ZCCHC7: variants seen among roughly 807,000 people sequenced by gnomAD.
ZCCHC7 encodes zinc finger CCHC domain-containing protein 7.
ZCCHC7 carries 35 observed loss-of-function variants against 52.0 expected under a neutral mutation model. The observed-to-expected ratio is 0.67, with a 90% CI of 0.51 to 0.89. The LOEUF is 0.89. ZCCHC7 is among the 40% of genes least tolerant of loss of function. ZCCHC7 has a pLI of 0.00. For synonymous variants in ZCCHC7, 217 were observed against 221.5 expected, an observed-to-expected ratio of 0.98 and a Z score of 0.18; for missense variants, 574 against 649.1, an observed-to-expected ratio of 0.88 and a Z score of 1.26.
intron 2 of ZCCHC7, among the ~76,000 whole-genome samples, chr9:37,211,993 C>T (rs1042206941): frequency 2.3e-5 from 3 of 129,700 alleles, no homozygotes; most frequent in Non-Finnish European, 4.7e-5. Flanking sequence ...CGCCACTGCA[C>T]TCCAGCCTGG....
At chr9:37,152,870 G>A (rs1050270270) in intron 2 of ZCCHC7, among the ~76,000 whole-genome samples, 7 of 152,154 alleles carry the variant, frequency 4.6e-5, no homozygotes, top group Non-Finnish European at 8.8e-5. Context: ...AAGGAAGAGA[G>A]TGTTATGCTC....
At chr9:37,240,965 A>G (rs537236431) in intron 2 of ZCCHC7, among the ~76,000 whole-genome samples, 16 of 151,974 alleles carry the variant, frequency 1.1e-4, no homozygotes, top group African/African-American at 3.6e-4. Flanking sequence ...GAAATTTTAT[A>G]AAGTATTGAA....
chr9:37,332,201 G>A (rs910841574), intron 6 of ZCCHC7, among the ~76,000 whole-genome samples: 1 of 151,458 alleles, frequency 6.6e-6, no homozygotes, highest in Non-Finnish European at 1.5e-5. Context: ...AATGCCCTTA[G>A]TACTAAAATA....
intron 2 of ZCCHC7, among the ~76,000 whole-genome samples, chr9:37,296,618 TCA>T (rs907435470): frequency 6.6e-6 from 1 of 151,674 alleles, no homozygotes; most frequent in Non-Finnish European, 1.5e-5. Context: ...AACCATGAGC[TCA>T]CAGTCTATAA....
At chr9:37,164,249 C>G (rs951116478) in intron 2 of ZCCHC7, among the ~76,000 whole-genome samples, 16 of 152,068 alleles carry the variant, frequency 1.1e-4, no homozygotes, top group African/African-American at 2.7e-4. Context: ...CGAGACCAGC[C>G]TGGCCAAAAT....
intron 6 of ZCCHC7, among the ~76,000 whole-genome samples, chr9:37,328,219 T>A (rs1288904606): frequency 1.3e-5 from 2 of 152,016 alleles, no homozygotes; most frequent in Non-Finnish European, 2.9e-5. Context: ...TTCAGTTGCT[T>A]TTACTAAAAC....
chr9:37,149,918 A>G (rs993051771), intron 2 of ZCCHC7, among the ~76,000 whole-genome samples: 9 of 152,228 alleles, frequency 5.9e-5, no homozygotes, highest in African/African-American at 2.2e-4. Flanking sequence ...AAAAGAGTCA[A>G]ACTCTGAAAG....
chr9:37,227,616 C>T (rs965153749), intron 2 of ZCCHC7, among the ~76,000 whole-genome samples: 6 of 152,122 alleles, frequency 3.9e-5, no homozygotes, highest in African/African-American at 1.4e-4. Flanking sequence ...AAAACATGTC[C>T]ACAAAGTGAC....
chr9:37,145,139 G>C (rs1843383613), intron 2 of ZCCHC7: 1 of 151,828 alleles, frequency 6.6e-6, no homozygotes, highest in Admixed American at 6.6e-5. Context: ...TTGTTTCTTT[G>C]TTTGATTAGT....
At chr9:37,279,187 A>G (rs1445825805) in intron 2 of ZCCHC7, among the ~76,000 whole-genome samples, 2 of 152,064 alleles carry the variant, frequency 1.3e-5, no homozygotes, top group South Asian at 4.1e-4. Context: ...TATTTGTTTC[A>G]AATGTATATG....
chr9:37,304,119 A>C, intron 3 of ZCCHC7, 69 bp from the exon 4 acceptor site: 1 of 1,476,318 alleles, frequency 6.8e-7, no homozygotes, highest in Non-Finnish European at 9.2e-7. Flanking sequence ...TGTCTTTAAC[A>C]AGAGTAGTAG....
At chr9:37,308,640 G>C (rs1829448323) in intron 5 of ZCCHC7, among the ~76,000 whole-genome samples, 1 of 151,988 alleles carries the variant, frequency 6.6e-6, no homozygotes, top group Non-Finnish European at 1.5e-5. Context: ...ATCATGGTAT[G>C]CTCCTGTAAT....
At position 37,348,347 on chromosome 9, in the gene ZCCHC7, GTTCTTTCTTTCTTTCT is replaced by G. The variant is rs58182218; in HGVS notation, c.988-979_988-964del. ...TTCAATGACCAAGTGATACCAGTTC[GTTCTTTCTTTCTTTCT>G]TTCTTTCTTTCTTTCTTTCTTTCTT... On this transcript the variant is annotated intron_variant, in intron 6 of 8. Coordinates refer to ENST00000336755, the MANE Select transcript of ZCCHC7 (RefSeq NM_032226.3). 1.6e-3 allele frequency among the ~76,000 whole-genome samples: 214 copies of G among 135,588 alleles called. 2 individuals carry two copies. Among genetic ancestry groups the G allele is most frequent in the South Asian group, 4.0e-3 (16 of 4,036 alleles). The allele number at this position is 135,588 out of a possible 152,430, so 89.0% of individuals were successfully genotyped here. A position where few individuals can be genotyped will look rare whatever the true frequency, so the allele number is the denominator to read the frequency against.
intron 2 of ZCCHC7, among the ~76,000 whole-genome samples, chr9:37,273,328 C>G (rs191340665): frequency 6.7e-4 from 102 of 152,236 alleles, no homozygotes; most frequent in African/African-American, 2.4e-3. Context: ...ACAGTGAAAC[C>G]CTGTCTCTAC....
chr9:37,205,209 G>T, intron 2 of ZCCHC7: 2 of 380,348 alleles, frequency 5.3e-6, no homozygotes, highest in Non-Finnish European at 5.1e-6. Context: ...AGCGTGCAGG[G>T]TAACATTGTA....
intron 5 of ZCCHC7, among the ~76,000 whole-genome samples, chr9:37,313,602 A>G (rs142207288): frequency 9.9e-4 from 151 of 152,290 alleles, no homozygotes; most frequent in African/African-American, 3.4e-3. Flanking sequence ...GTAATTCCCA[A>G]TGTTGAGGGA....
chr9:37,326,772 A>G (rs2118136034), intron 5 of ZCCHC7, among the ~76,000 whole-genome samples: 1 of 152,164 alleles, frequency 6.6e-6, no homozygotes, highest in Admixed American at 6.6e-5. Context: ...AATCAAGTAA[A>G]GAGTTGTTTC....
At chr9:37,316,245 A>G (rs918988779) in intron 5 of ZCCHC7, among the ~76,000 whole-genome samples, 1 of 151,974 alleles carries the variant, frequency 6.6e-6, no homozygotes, top group African/African-American at 2.4e-5. Flanking sequence ...TTTTTAATAC[A>G]GATGGGGTTT....
intron 2 of ZCCHC7, among the ~76,000 whole-genome samples, chr9:37,163,111 G>A (rs1032282022): frequency 3.3e-5 from 5 of 152,096 alleles, no homozygotes; most frequent in African/African-American, 1.2e-4. Context: ...TGAGGCAGAA[G>A]AATCACTTGA....
Sources: gnomAD v4.1 joint callset for allele counts (sites outside exome capture counted in the v4.1 genomes callset) on GRCh38, gnomAD v4.1.1 for gene constraint, MANE v1.5 for transcripts, NCBI Gene and HGNC (gene_info 2026-07-23, HGNC 2026-07-21) for gene names.